PCSK1: variants seen among roughly 807,000 people sequenced by gnomAD.
PCSK1 encodes the protein neuroendocrine convertase 1.
PCSK1 carries 56 observed loss-of-function variants against 90.6 expected under a neutral mutation model. That is an observed-to-expected ratio of 0.62 (90% confidence interval 0.50 to 0.77). PCSK1 has a LOEUF of 0.77. Among genes scored for constraint, PCSK1 ranks in the 30% least tolerant of loss-of-function variants. The pLI is 0.00. For missense variants in PCSK1, 801 were observed against 932.6 expected (o/e 0.86, Z 1.84); for synonymous variants, 348 against 342.4 (o/e 1.02, Z -0.18).
intron 5 of PCSK1, among the ~76,000 whole-genome samples, chr5:96,416,856 C>A (rs155968): frequency 0.71 from 107,957 of 152,206 alleles, 39,381 homozygotes; most frequent in African/African-American, 0.89. Flanking sequence ...ATGCGTCTTC[C>A]AAACACCAAA....
intron 11 of PCSK1, among the ~76,000 whole-genome samples, chr5:96,397,798 AG>A (rs1760209899): frequency 7.3e-6 from 1 of 136,964 alleles, no homozygotes; most frequent in African/African-American, 3.4e-5. Context: ...AAATTGAATT[AG>A]AGAGTCAAAA....
At chr5:96,416,726 C>G (rs144262442) in intron 5 of PCSK1, among the ~76,000 whole-genome samples, 1 of 152,260 alleles carries the variant, frequency 6.6e-6, no homozygotes, top group East Asian at 1.9e-4. Context: ...AAGACATTAC[C>G]AGCTAATTGG....
intron 9 of PCSK1, among the ~76,000 whole-genome samples, chr5:96,405,316 A>C (rs1313124854): frequency 6.6e-6 from 1 of 152,196 alleles, no homozygotes; most frequent in African/African-American, 2.4e-5. Context: ...GAAACCTATA[A>C]GCCATTCCCC....
At chr5:96,432,774 C>T (rs1761545864) in intron 1 of PCSK1, 89 bp downstream of exon 1, 1 of 1,076,276 alleles carries the variant, frequency 9.3e-7, no homozygotes, top group Admixed American at 1.8e-5. Flanking sequence ...CTGGAGAGTG[C>T]AACCTGGGGC....
At chr5:96,418,304 A>G (rs558142551) in intron 5 of PCSK1, among the ~76,000 whole-genome samples, 1 of 152,214 alleles carries the variant, frequency 6.6e-6, no homozygotes, top group Non-Finnish European at 1.5e-5. Context: ...TCTTAGAACA[A>G]TGGTAGTAAC....
chr5:96,408,468 C>A (rs949666830), intron 8 of PCSK1, 145 bp from the exon 9 acceptor site: 2 of 691,700 alleles, frequency 2.9e-6, no homozygotes, highest in East Asian at 5.4e-5. Flanking sequence ...CTCTAAACCA[C>A]AGGCGGATGT....
At chr5:96,429,857 G>A (rs1450118988) in intron 1 of PCSK1, among the ~76,000 whole-genome samples, 1 of 152,148 alleles carries the variant, frequency 6.6e-6, no homozygotes, top group Non-Finnish European at 1.5e-5. Context: ...CTCACAGTAG[G>A]AGGCTAGTGA....
chr5:96,406,331 A>G (rs1361289218), intron 9 of PCSK1, among the ~76,000 whole-genome samples: 4 of 152,218 alleles, frequency 2.6e-5, no homozygotes, highest in Non-Finnish European at 5.9e-5. Context: ...TGCTGATGCC[A>G]GTCTCAGCTT....
At chr5:96,405,164 G>C (rs1412433243) in intron 9 of PCSK1, among the ~76,000 whole-genome samples, 2 of 152,134 alleles carry the variant, frequency 1.3e-5, no homozygotes, top group African/African-American at 2.4e-5. Context: ...TGGCAGTAAG[G>C]ATATAAATGT....
At chr5:96,397,723 A>G (rs933785743) in intron 11 of PCSK1, among the ~76,000 whole-genome samples, 6 of 152,186 alleles carry the variant, frequency 3.9e-5, no homozygotes, top group African/African-American at 1.4e-4. Flanking sequence ...AAAATAATGA[A>G]TGAATGAATG....
intron 7 of PCSK1, among the ~76,000 whole-genome samples, chr5:96,411,935 G>C (rs1307044629): frequency 6.6e-6 from 1 of 152,184 alleles, no homozygotes; most frequent in East Asian, 1.9e-4. Flanking sequence ...TCAGCCTCCC[G>C]AGTAGCTGGG....
At chr5:96,430,574 C>A (rs896693073) in intron 1 of PCSK1, among the ~76,000 whole-genome samples, 2 of 152,118 alleles carry the variant, frequency 1.3e-5, no homozygotes, top group African/African-American at 4.8e-5. Context: ...TTAATCCAAG[C>A]TTTATCCTGA....
Position 96,397,329 on chromosome 5 carries a change from C to A in PCSK1, c.1722+7G>T. Reference sequence around the variant, plus strand: ...TTGTGTTTTTTCATCCTCTCATTCACACTTACCATGTCTGTAATTCTCAAA... The same window carrying A: ...TTGTGTTTTTTCATCCTCTCATTCAAACTTACCATGTCTGTAATTCTCAAA... On this transcript the variant is annotated splice_region_variant and intron_variant, in intron 12 of 13. Coordinates refer to ENST00000311106, the MANE Select transcript of PCSK1 (RefSeq NM_000439.5). 1.2e-6 allele frequency: 2 copies of A among 1,612,468 alleles called. No homozygotes were observed. The highest frequency in any genetic ancestry group is 1.7e-6 in the Non-Finnish European group (2 of 1,178,610).
chr5:96,397,867 A>C (rs1172890762), intron 11 of PCSK1, among the ~76,000 whole-genome samples: 1 of 152,080 alleles, frequency 6.6e-6, no homozygotes, highest in Non-Finnish European at 1.5e-5. Context: ...AATCTTGAAA[A>C]TTTAGTAGGT....
At chr5:96,400,960 G>A (rs1179996025) in intron 9 of PCSK1, among the ~76,000 whole-genome samples, 2 of 151,214 alleles carry the variant, frequency 1.3e-5, no homozygotes, top group Admixed American at 6.6e-5. Flanking sequence ...GGTGGCGGGC[G>A]CCTGTAGTCC....
intron 2 of PCSK1, 143 bp from the exon 3 acceptor site, chr5:96,426,073 C>G: frequency 1.5e-6 from 1 of 681,092 alleles, no homozygotes; most frequent in Non-Finnish European, 2.7e-6. Flanking sequence ...ACTGGCACCT[C>G]AGTGAGAAGA....
chr5:96,400,673 A>T (rs1346471430), intron 9 of PCSK1, among the ~76,000 whole-genome samples: 1 of 152,168 alleles, frequency 6.6e-6, no homozygotes, highest in Admixed American at 6.5e-5. Context: ...GTAAACATGT[A>T]TTGCCTTTTT....
Position 96,394,979 on chromosome 5 carries a change from A to G in PCSK1, c.1769T>C (p.Ile590Thr), listed in dbSNP as rs751985669. ...NEGRIVNWKLILHGTSSQPEH... is the reference protein window; with the variant it reads ...NEGRIVNWKLTLHGTSSQPEH... ...TGGCTGAGAAGAGGTCCCGTGCAAA[A>G]TCAGCTTCCAGTTCACAATTCTTCC... Residue 590 changes from isoleucine (I) to threonine (T), a missense_variant, in exon 13 of 14, where the codon ATT becomes ACT. Ile to Thr is a moderately conservative substitution (Grantham distance 89). Transcript: ENST00000311106. 6.2e-7 allele frequency: 1 copy of G among 1,614,056 alleles called. No homozygotes were observed. Among genetic ancestry groups the G allele is most frequent in the Non-Finnish European group, 8.5e-7 (1 of 1,179,890 alleles).
At chr5:96,401,519 A>T (rs965424883) in intron 9 of PCSK1, among the ~76,000 whole-genome samples, 3 of 152,244 alleles carry the variant, frequency 2.0e-5, no homozygotes, top group Non-Finnish European at 2.9e-5. Flanking sequence ...TAAAATCATA[A>T]GTCTTAGTAA....
Sources: allele counts gnomAD v4.1 joint callset (sites outside exome capture counted in the v4.1 genomes callset), GRCh38; gene constraint gnomAD v4.1.1; transcripts MANE v1.5; gene names NCBI Gene and HGNC (gene_info 2026-07-23, HGNC 2026-07-21).